Variants in MACF1 observed in about 807,000 individuals in gnomAD.
MACF1 encodes the protein microtubule-actin cross-linking factor 1.
A neutral mutation model predicts 854.8 loss-of-function variants in MACF1; 193 were observed. The observed-to-expected ratio is 0.23, with a 90% CI of 0.20 to 0.25. The LOEUF (loss-of-function observed/expected upper bound fraction) is 0.25. MACF1 is among the 10% of genes least tolerant of loss of function. MACF1 has a pLI of 1.00. For missense variants in MACF1, 7,722 were observed against 8,929.1 expected (o/e 0.86, Z 5.45); for synonymous variants, 3,185 against 3,226.7 (o/e 0.99, Z 0.44).
rs370361679 is a variant in MACF1, at chr1:39,186,049, G to T, written c.221-45133G>T. On this transcript the variant is annotated intron_variant, in intron 2 of 93. Coordinates refer to the MACF1 transcript ENST00000361689. Reference sequence around the variant, plus strand: ...TATATACAGGTCCTCTCTCCCTTTGGTTATGAGCTAAAGGCCTTTAATCAT... The same window carrying T: ...TATATACAGGTCCTCTCTCCCTTTGTTTATGAGCTAAAGGCCTTTAATCAT... Among the ~76,000 whole-genome samples the T allele has an allele frequency of 2.0e-5, 3 of 152,090 alleles. No homozygotes were observed. The South Asian group carries it at 6.2e-4, about 32-fold the overall frequency.
chr1:39,339,951 G>C lies in MACF1; in HGVS notation c.10216-551G>C, dbSNP rs114393816. Among the ~76,000 whole-genome samples, 891 of 152,242 alleles carry C rather than the reference G, an allele frequency of 5.9e-3. 7 individuals are homozygous for C. The highest frequency in any genetic ancestry group is 0.017 in the Middle Eastern group (5 of 294). On this transcript the variant is annotated intron_variant, in intron 38 of 100. Transcript: ENST00000564288. ...ATGATGCCCCAAAGAACTATGTCAA[G>C]TTCTTCCACAGCTTATTTCCGGCTT... is the stretch of plus-strand genomic sequence containing the variant.
At chr1:39,234,516 C>T (rs758265000) in intron 2 of MACF1, among the ~76,000 whole-genome samples, 1,464 of 116,656 alleles carry the variant, frequency 0.013, 47 homozygotes, top group South Asian at 0.025. Context: ...CCCCTCACCT[C>T]CCGGACGGGG....
intron 1 of MACF1, among the ~76,000 whole-genome samples, chr1:39,205,515 A>G (rs1171086374): frequency 6.6e-6 from 1 of 151,878 alleles, no homozygotes. Context: ...ACATACAGTA[A>G]CTCTTTTACC....
At chr1:39,413,168 A>G in intron 58 of MACF1, 2 of 1,613,360 alleles carry the variant, frequency 1.2e-6, no homozygotes, top group East Asian at 4.5e-5. Flanking sequence ...ACAGAGGAGG[A>G]TGGTACACCA....
Position 39,251,928 on chromosome 1 carries a change from A to G in MACF1, c.344A>G (p.Asp115Gly). 6.6e-7 allele frequency: 1 copy of G among 1,506,572 alleles called. No homozygotes were observed. The allele number at this position is 1,506,572 out of a possible 1,614,324, so 93.3% of individuals were successfully genotyped here. A position where few individuals can be genotyped will look rare whatever the true frequency, so the allele number is the denominator to read the frequency against. The change falls in exon 4 of 101, where the codon GAT becomes GGT. Residue 115 changes from aspartate (D) to glycine (G), a missense_variant. Coordinates refer to ENST00000564288, the MANE Select transcript of MACF1 (RefSeq NM_001394062.1). ...AACAACGAGGAGCAGGCGGAGGAAG[A>G]TGATGATGATGTAGTAGGTCCTCCT... is the stretch of plus-strand genomic sequence containing the variant. ...HTNNEEQAEE[D>G]DDDVPREKGR...
chr1:39,463,571 G>T (rs1289448266), intron 93 of MACF1, 41 bp from the exon 94 acceptor site: 1 of 1,400,170 alleles, frequency 7.1e-7, no homozygotes, highest in Admixed American at 1.7e-5. Context: ...AGGAAGTTTT[G>T]CTCTACCCTT....
At chr1:39,317,498 A>T in intron 29 of MACF1, 91 bp downstream of exon 29, 1 of 1,368,700 alleles carries the variant, frequency 7.3e-7, no homozygotes, top group African/African-American at 1.5e-5. Context: ...TTATATTTAA[A>T]GGTGGAAATG....
At chr1:39,430,275 A>AT (rs1308303452) in intron 65 of MACF1, among the ~76,000 whole-genome samples, 1 of 152,060 alleles carries the variant, frequency 6.6e-6, no homozygotes, top group Non-Finnish European at 1.5e-5. Context: ...ACTTTGTAAC[A>AT]TTTTAACCTC....
intron 6 of MACF1, among the ~76,000 whole-genome samples, chr1:39,280,987 C>G (rs969727549): frequency 2.0e-5 from 3 of 152,132 alleles, no homozygotes; most frequent in Admixed American, 6.5e-5. Flanking sequence ...TAAGGGAACC[C>G]TTATTTGTTG....
In MACF1 at chr1:39,457,934, T is replaced by C. The variant is rs149317408; in HGVS notation, c.21076-436T>C. The C allele has an allele frequency of 4.0e-3, 618 of 156,388 alleles. 2 individuals are homozygous for C. The highest frequency in any genetic ancestry group is 0.014 in the African/African-American group (587 of 41,578). The allele number at this position is 156,388 out of a possible 1,614,324, so 9.7% of individuals were successfully genotyped here. A position where few individuals can be genotyped will look rare whatever the true frequency, so the allele number is the denominator to read the frequency against. On this transcript the variant is annotated intron_variant, in intron 89 of 100. Transcript: ENST00000564288. Reference sequence around the variant, plus strand: ...GCATGGTGCCAATATCTGCTTCTGGTGAGGGCTTCAGGAAGCTTAGAATCA... The same window carrying C: ...GCATGGTGCCAATATCTGCTTCTGGCGAGGGCTTCAGGAAGCTTAGAATCA...
chr1:39,099,022 C>G (rs1015247982), intron 2 of MACF1, among the ~76,000 whole-genome samples: 5 of 152,284 alleles, frequency 3.3e-5, no homozygotes, highest in South Asian at 2.1e-4. Context: ...AAGGATAATG[C>G]TTGGGGCTGC....
chr1:39,207,366 C>T (rs868005398), intron 1 of MACF1, among the ~76,000 whole-genome samples: 5 of 151,752 alleles, frequency 3.3e-5, no homozygotes, highest in Admixed American at 6.6e-5. Flanking sequence ...CCGCAAGCTC[C>T]GCCTCCCGGG....
intron 2 of MACF1, among the ~76,000 whole-genome samples, chr1:39,100,496 C>G (rs1571037389): frequency 6.6e-6 from 1 of 152,218 alleles, no homozygotes; most frequent in South Asian, 2.1e-4. Flanking sequence ...AGCCTTCCAG[C>G]TAGTCAGTAG....
chr1:39,414,115 G>A, intron 58 of MACF1: 1 of 1,607,838 alleles, frequency 6.2e-7, no homozygotes, highest in Non-Finnish European at 8.5e-7. Context: ...TGCCTCCCCA[G>A]CAGCTGCAGT....
chr1:39,269,685 G>A (rs1035540178), intron 6 of MACF1: 61 of 1,289,624 alleles, frequency 4.7e-5, no homozygotes, highest in Non-Finnish European at 5.4e-5. Flanking sequence ...TCTTTCTCTG[G>A]AGGCAAGCCA....
chr1:39,479,631 CAAGG>C (rs1644978558), intron 97 of MACF1, among the ~76,000 whole-genome samples, 163 bp from the exon 98 acceptor site: 1 of 152,160 alleles, frequency 6.6e-6, no homozygotes, highest in South Asian at 2.1e-4. Flanking sequence ...GGAACCTTGA[CAAGG>C]CTGATGTGTC....
intron 28 of MACF1, 142 bp downstream of exon 28, chr1:39,316,671 A>G (rs1161651478): frequency 1.3e-6 from 1 of 750,574 alleles, no homozygotes; most frequent in Non-Finnish European, 2.0e-6. Context: ...ATATTTTAAT[A>G]TGTATTCAAA....
At chr1:39,467,246 T>C (rs1279309493) in intron 95 of MACF1, among the ~76,000 whole-genome samples, 1 of 152,004 alleles carries the variant, frequency 6.6e-6, no homozygotes, top group Non-Finnish European at 1.5e-5. Flanking sequence ...GCGCCTGTAG[T>C]CCCAGCTACT....
rs574839843 is a variant in MACF1, at chr1:39,333,677, C to T, written c.7089C>T (p.Val2363=). The T allele has an allele frequency of 1.2e-6, 2 of 1,614,130 alleles. No homozygotes were observed. Among genetic ancestry groups the T allele is most frequent in the East Asian group, 2.2e-5 (1 of 44,886 alleles). Residue 2363 remains valine, a synonymous_variant, in exon 37 of 101, where the codon GTC becomes GTT. Coordinates refer to ENST00000564288, the MANE Select transcript of MACF1 (RefSeq NM_001394062.1). ...TGGATGAGAAATTATTACATAATGT[C>T]CTCATGGCAGACAAAGCTATAAGTG... is the stretch of plus-strand genomic sequence containing the variant. ...GLMDEKLLHN[V]LMADKAISGV...
Sources: gnomAD v4.1 joint callset for allele counts (sites outside exome capture counted in the v4.1 genomes callset) on GRCh38, gnomAD v4.1.1 for gene constraint, MANE v1.5 for transcripts, NCBI Gene and HGNC (gene_info 2026-07-23, HGNC 2026-07-21) for gene names.